The following ARHGEF3 variants were observed in gnomAD, a reference collection of about 807,000 sequenced individuals.
ARHGEF3 encodes 59.8 kDA protein.
A neutral mutation model predicts 63.2 loss-of-function variants in ARHGEF3; 28 were observed. The observed-to-expected ratio is 0.44, with a 90% CI of 0.33 to 0.61. The LOEUF is 0.61. Ranked by LOEUF, ARHGEF3 falls within the 20% of genes least tolerant of loss-of-function variation. ARHGEF3 has a pLI of 0.03. For synonymous variants in ARHGEF3, 266 were observed against 254.2 expected, an observed-to-expected ratio of 1.05 and a Z score of -0.44; for missense variants, 533 against 659.3, an observed-to-expected ratio of 0.81 and a Z score of 2.10.
At chr3:57,014,578 T>C (rs565304167) in intron 2 of ARHGEF3, among the ~76,000 whole-genome samples, 1 of 152,372 alleles carries the variant, frequency 6.6e-6, no homozygotes, top group South Asian at 2.1e-4. Context: ...TAGAAAACTA[T>C]ATTTCTTTAT....
chr3:57,069,217 G>A (rs1397734805), intron 1 of ARHGEF3, among the ~76,000 whole-genome samples: 1 of 152,088 alleles, frequency 6.6e-6, no homozygotes, highest in African/African-American at 2.4e-5. Context: ...CACCACGCCT[G>A]GCCTAGATCT....
rs1001017651 is a variant in ARHGEF3, at chr3:56,801,693, G to GCGGCCCTACCT, written c.95_96+9dup. The stretch of plus-strand genomic sequence containing the variant: ...ACCCATAGAGGTCCAGGTGCAGGGC[G>GCGGCCCTACCT]CGGCCCTACCTCAGCGTCCTTGGCC... On this transcript the variant is annotated intron_variant, in intron 1 of 9. Coordinates refer to ENST00000296315, the MANE Select transcript of ARHGEF3 (RefSeq NM_019555.3). 10 of 1,554,338 alleles carry GCGGCCCTACCT rather than the reference G, an allele frequency of 6.4e-6. No homozygotes were observed. The highest frequency in any genetic ancestry group is 8.7e-6 in the Non-Finnish European group (10 of 1,148,350).
At chr3:56,774,464 T>C (rs1056354823) in intron 1 of ARHGEF3, among the ~76,000 whole-genome samples, 2 of 152,234 alleles carry the variant, frequency 1.3e-5, no homozygotes, top group Non-Finnish European at 2.9e-5. Context: ...CATCGGTTTC[T>C]ATACTATATA....
chr3:57,068,612 TA>T (rs1337436882), intron 1 of ARHGEF3, among the ~76,000 whole-genome samples: 1 of 152,200 alleles, frequency 6.6e-6, no homozygotes, highest in Non-Finnish European at 1.5e-5. Flanking sequence ...AGGGCTTTTA[TA>T]AAACTAAAGC....
intron 2 of ARHGEF3, among the ~76,000 whole-genome samples, chr3:57,008,482 C>CTT (rs5849184): frequency 1.5e-4 from 22 of 146,544 alleles, no homozygotes; most frequent in Admixed American, 4.7e-4. Flanking sequence ...ACGGACAAGC[C>CTT]TTTTTTTTTT....
At chr3:56,875,711 C>T (rs1201823833) in intron 4 of ARHGEF3, among the ~76,000 whole-genome samples, 1 of 152,208 alleles carries the variant, frequency 6.6e-6, no homozygotes. Flanking sequence ...ATTTATCTGT[C>T]CCTTTCTTTC....
intron 3 of ARHGEF3, among the ~76,000 whole-genome samples, chr3:56,912,373 T>C (rs565794532): frequency 6.6e-6 from 1 of 152,234 alleles, no homozygotes; most frequent in Non-Finnish European, 1.5e-5. Context: ...AAAGTGTTAC[T>C]GCAGATGTTG....
chr3:57,014,294 A>G (rs1030043496), intron 2 of ARHGEF3, among the ~76,000 whole-genome samples: 6 of 152,336 alleles, frequency 3.9e-5, no homozygotes, highest in African/African-American at 9.6e-5. Context: ...CCGCGGCTTC[A>G]TTCTTGAAGT....
At chr3:57,056,510 T>C (rs1174104802) in intron 1 of ARHGEF3, among the ~76,000 whole-genome samples, 2 of 149,218 alleles carry the variant, frequency 1.3e-5, no homozygotes, top group African/African-American at 5.0e-5. Context: ...GGGGCAAAAG[T>C]GTTCTGGACA....
intron 3 of ARHGEF3, among the ~76,000 whole-genome samples, chr3:56,900,525 G>C (rs1283036846): frequency 2.6e-5 from 4 of 152,136 alleles, no homozygotes; most frequent in Non-Finnish European, 4.4e-5. Flanking sequence ...AGCTACTCTG[G>C]AGGCTGAGGC....
intron 3 of ARHGEF3, among the ~76,000 whole-genome samples, chr3:56,957,396 G>A (rs535988920): frequency 1.3e-5 from 2 of 152,280 alleles, no homozygotes; most frequent in East Asian, 3.9e-4. Context: ...CAATCTAAAG[G>A]TAACATGTGG....
intron 4 of ARHGEF3, among the ~76,000 whole-genome samples, chr3:56,814,492 T>C (rs983548276): frequency 3.9e-5 from 6 of 152,196 alleles, no homozygotes; most frequent in Non-Finnish European, 2.9e-5. Flanking sequence ...TACTTAATGA[T>C]GACAAACATC....
rs1197389429 is a variant in ARHGEF3 at position 56,881,484 on chromosome 3, A to G, written c.192+808T>C. ...ATCAGAGGCCAAGGTAGGCTTCCCA[A>G]TTGCATCAGTGGGGAGACACGGTGG... On this transcript the variant is annotated intron_variant, in intron 4 of 12. Transcript: ENST00000338458. Among the ~76,000 whole-genome samples, 4 of 152,318 alleles carry G rather than the reference A, an allele frequency of 2.6e-5. 1 individual carries two copies. The highest frequency in any genetic ancestry group is 4.8e-5 in the African/African-American group (2 of 41,584).
intron 6 of ARHGEF3, among the ~76,000 whole-genome samples, chr3:56,748,778 A>G (rs2034557004): frequency 6.6e-6 from 1 of 152,108 alleles, no homozygotes; most frequent in African/African-American, 2.4e-5. Context: ...ACTGATTCTC[A>G]GTAACCGGGG....
chr3:56,912,516 T>A (rs943532833), intron 3 of ARHGEF3, among the ~76,000 whole-genome samples: 2 of 152,336 alleles, frequency 1.3e-5, no homozygotes, highest in Middle Eastern at 3.4e-3. Flanking sequence ...GTAGGTGACC[T>A]AGACAAATTA....
intron 3 of ARHGEF3, among the ~76,000 whole-genome samples, chr3:56,931,324 C>T (rs1001407269): frequency 6.6e-6 from 1 of 151,950 alleles, no homozygotes; most frequent in African/African-American, 2.4e-5. Context: ...GCTTGTAATC[C>T]TAGCACTTTG....
chr3:56,777,895 A>C (rs537942459), intron 1 of ARHGEF3, among the ~76,000 whole-genome samples: 1 of 152,322 alleles, frequency 6.6e-6, no homozygotes, highest in South Asian at 2.1e-4. Flanking sequence ...GGAAGAGGTG[A>C]GAATTGATTG....
chr3:57,068,865 G>C (rs1273585184), intron 1 of ARHGEF3, among the ~76,000 whole-genome samples: 2 of 151,552 alleles, frequency 1.3e-5, no homozygotes, highest in African/African-American at 4.9e-5. Flanking sequence ...AAATCCCTAT[G>C]AACTGCCGGT....
chr3:57,003,670 C>T (rs1276182501), intron 2 of ARHGEF3, among the ~76,000 whole-genome samples: 1 of 152,104 alleles, frequency 6.6e-6, no homozygotes. Context: ...TGGGGTGTAT[C>T]GTGGATTCTC....
Sources: allele counts gnomAD v4.1 joint callset (sites outside exome capture counted in the v4.1 genomes callset), GRCh38; gene constraint gnomAD v4.1.1; transcripts MANE v1.5; gene names NCBI Gene and HGNC (gene_info 2026-07-23, HGNC 2026-07-21).